Variants in FHIT observed in about 807,000 individuals in gnomAD.
FHIT encodes the protein fragile histidine triad diadenosine triphosphatase.
Under a neutral mutation model 17.9 loss-of-function variants are expected in FHIT, and 19 were observed. The ratio of observed to expected loss-of-function variants is 1.06; its 90% CI spans 0.74 to 1.56. The LOEUF (loss-of-function observed/expected upper bound fraction) is 1.56. FHIT is among the 40% of genes most tolerant of loss of function. The pLI is 0.00. For synonymous variants in FHIT, 81 were observed against 69.7 expected (o/e 1.16, Z -0.81); for missense variants, 248 against 189.2 (o/e 1.31, Z -1.82).
chr3:60,482,222 T>C (rs887553742), intron 5 of FHIT, among the ~76,000 whole-genome samples: 2 of 152,142 alleles, frequency 1.3e-5, no homozygotes, highest in African/African-American at 2.4e-5. Context: ...CACACAATAA[T>C]AGTGGGAGAC....
chr3:59,861,852 A>G (rs1418280415), intron 8 of FHIT, among the ~76,000 whole-genome samples: 1 of 152,092 alleles, frequency 6.6e-6, no homozygotes, highest in African/African-American at 2.4e-5. Flanking sequence ...AACATGAAAC[A>G]TGGTATTCAG....
Position 60,860,917 on chromosome 3 carries a change from A to C in FHIT, c.-110-38906T>G, listed in dbSNP as rs1440346419. Among the ~76,000 whole-genome samples the C allele has an allele frequency of 6.7e-5, 6 of 88,996 alleles. 2 individuals are homozygous for C. The highest frequency in any genetic ancestry group is 2.3e-4 in the Admixed American group (2 of 8,556). The allele number at this position is 88,996 out of a possible 152,430, so 58.4% of individuals were successfully genotyped here. On this transcript the variant is annotated intron_variant, in intron 3 of 9. Coordinates refer to ENST00000492590, the MANE Select transcript of FHIT (RefSeq NM_002012.4). ...TATACGTATATATCATGTATATATGATACATATATACGTATATATCATGTA... is the reference window on the plus strand; with the variant it reads ...TATACGTATATATCATGTATATATGCTACATATATACGTATATATCATGTA...
chr3:60,607,765 C>T (rs1553671750), intron 4 of FHIT, among the ~76,000 whole-genome samples: 2 of 152,060 alleles, frequency 1.3e-5, no homozygotes, highest in Non-Finnish European at 1.5e-5. Context: ...GCAATACATA[C>T]ATATACATAT....
chr3:60,269,244 G>A (rs1185331929), intron 5 of FHIT, among the ~76,000 whole-genome samples: 1 of 152,224 alleles, frequency 6.6e-6, no homozygotes, highest in Non-Finnish European at 1.5e-5. Context: ...GAATAAGTAT[G>A]AGCCATCAAG....
chr3:60,235,239 T>TTG (rs1461635529), intron 5 of FHIT, among the ~76,000 whole-genome samples: 10 of 151,260 alleles, frequency 6.6e-5, no homozygotes, highest in East Asian at 1.9e-4. Flanking sequence ...TTGTTGTTTT[T>TTG]TTTTTTTTTG....
chr3:60,362,826 G>A (rs1388545958), intron 5 of FHIT, among the ~76,000 whole-genome samples: 2 of 152,254 alleles, frequency 1.3e-5, no homozygotes, highest in East Asian at 3.9e-4. Flanking sequence ...AGTCAAATGA[G>A]TCTTCAATAA....
At position 59,910,108 on chromosome 3, in the gene FHIT, T is replaced by C. The variant is rs1704796077; in HGVS notation, c.348+12238A>G. Among the ~76,000 whole-genome samples the C allele has an allele frequency of 2.0e-5, 3 of 152,206 alleles. No individual in the cohort carries two copies. The South Asian group carries it at 6.2e-4, about 31-fold the overall frequency. On this transcript the variant is annotated intron_variant, in intron 8 of 9. Transcript: ENST00000492590. The stretch of plus-strand genomic sequence containing the variant: ...ACAGCCTCAGGAGGTTCTGAGGACA[T>C]GTGCCCAAGGTGATCAGAGCACAGT...
At chr3:60,536,746 T>C (rs1216568370) in intron 5 of FHIT, 114 bp downstream of exon 5, 6 of 1,154,414 alleles carry the variant, frequency 5.2e-6, no homozygotes, top group Non-Finnish European at 7.0e-6. Flanking sequence ...GGAGATGGAT[T>C]CTTTATTTAC....
intron 1 of FHIT, among the ~76,000 whole-genome samples, chr3:61,207,388 G>T (rs2039280328): frequency 6.6e-6 from 1 of 152,228 alleles, no homozygotes; most frequent in Admixed American, 6.5e-5. Context: ...AGTTTCAGAA[G>T]AACTGGTACC....
intron 3 of FHIT, among the ~76,000 whole-genome samples, chr3:60,890,837 G>A (rs1347597028): frequency 7.2e-5 from 11 of 152,080 alleles, no homozygotes; most frequent in African/African-American, 2.7e-4. Flanking sequence ...CGTCCCTTCA[G>A]GCAACTTGGA....
At chr3:60,567,013 T>G (rs1300247304) in intron 4 of FHIT, among the ~76,000 whole-genome samples, 2 of 148,418 alleles carry the variant, frequency 1.3e-5, no homozygotes, top group African/African-American at 5.0e-5. Flanking sequence ...AGAATCAATA[T>G]CGTGAAAATG....
chr3:60,695,495 G>A (rs1356356515), intron 4 of FHIT, among the ~76,000 whole-genome samples: 1 of 152,184 alleles, frequency 6.6e-6, no homozygotes, highest in Admixed American at 6.5e-5. Flanking sequence ...AACTGTGAGG[G>A]TTCAGATGCT....
At chr3:60,774,565 A>T (rs1041926427) in intron 4 of FHIT, among the ~76,000 whole-genome samples, 9 of 152,218 alleles carry the variant, frequency 5.9e-5, no homozygotes, top group African/African-American at 1.7e-4. Flanking sequence ...CCTCCCAAAG[A>T]GTGGGATTAC....
In FHIT at chr3:59,959,666, C is replaced by A. The variant is rs1204551712; in HGVS notation, c.280-37252G>T. On this transcript the variant is annotated intron_variant, in intron 7 of 9. Coordinates refer to ENST00000492590, the MANE Select transcript of FHIT (RefSeq NM_002012.4). ...ACTATCTCTGTACTTGGTACTGGGG[C>A]AGAGGTGAGCAAAACAGATAAAGCC... 2.0e-5 allele frequency among the ~76,000 whole-genome samples: 3 copies of A among 152,170 alleles called. No individual in the cohort carries two copies. The East Asian group carries it at 5.8e-4, about 29-fold the overall frequency.
At chr3:59,972,214 C>T (rs915974712) in intron 7 of FHIT, among the ~76,000 whole-genome samples, 1 of 152,102 alleles carries the variant, frequency 6.6e-6, no homozygotes, top group Non-Finnish European at 1.5e-5. Context: ...AAAGTAAATA[C>T]TCTAGAGTTT....
chr3:61,093,002 A>C (rs931523136), intron 2 of FHIT, among the ~76,000 whole-genome samples: 2 of 152,206 alleles, frequency 1.3e-5, no homozygotes, highest in African/African-American at 4.8e-5. Context: ...ATTTCTCATA[A>C]AGCCCAGGGC....
intron 4 of FHIT, among the ~76,000 whole-genome samples, chr3:60,568,991 T>TC (rs1553654356): frequency 2.6e-5 from 4 of 151,434 alleles, no homozygotes; most frequent in Admixed American, 6.6e-5. Context: ...TTTTTTTTTT[T>TC]CCTTTCAAAA....
At chr3:60,523,052 A>G (rs2035434091) in intron 5 of FHIT, among the ~76,000 whole-genome samples, 1 of 152,186 alleles carries the variant, frequency 6.6e-6, no homozygotes, top group Non-Finnish European at 1.5e-5. Flanking sequence ...GAAACTCCTT[A>G]TAAAAACAGC....
chr3:59,880,059 G>T (rs1372795895), intron 8 of FHIT, among the ~76,000 whole-genome samples: 2 of 152,122 alleles, frequency 1.3e-5, no homozygotes, highest in Non-Finnish European at 2.9e-5. Context: ...GAAGATCATG[G>T]CTTCAGATCA....
Sources: allele counts gnomAD v4.1 joint callset (sites outside exome capture counted in the v4.1 genomes callset), GRCh38; gene constraint gnomAD v4.1.1; transcripts MANE v1.5; gene names NCBI Gene and HGNC (gene_info 2026-07-23, HGNC 2026-07-21).